Variants in NBAS observed in about 807,000 individuals in gnomAD.
NBAS encodes the protein NAG/BC035112 fusion.
NBAS carries 219 observed loss-of-function variants against 302.5 expected under a neutral mutation model. The ratio of observed to expected loss-of-function variants is 0.72; its 90% CI spans 0.65 to 0.81. NBAS has a LOEUF of 0.81. Among genes scored for constraint, NBAS ranks in the 30% least tolerant of loss-of-function variants. The probability of loss-of-function intolerance (pLI) is 0.00; values close to 1 mark genes in which losing one functional copy is unlikely to be tolerated. For missense variants in NBAS, 2,932 were observed against 2,841.6 expected (o/e 1.03, Z -0.72); for synonymous variants, 1,118 against 1,021.6 (o/e 1.09, Z -1.80).
In NBAS at chr2:15,190,369, C is replaced by CAT; in HGVS notation, c.6466_6467insAT (p.Arg2156HisfsTer32). On this transcript the variant is annotated frameshift_variant, in exon 49 of 52. Transcript: ENST00000281513. LOFTEE classifies it high-confidence loss of function. The stretch of plus-strand genomic sequence containing the variant: ...CAGGAGTTCCATGAATAGACAGTAG[C>CAT]GGTTCTCTTCATTCTCAATGTCAGC... 1.2e-6 allele frequency: 2 copies of CAT among 1,613,930 alleles called. No homozygotes were observed. The highest frequency in any genetic ancestry group is 1.7e-6 in the Non-Finnish European group (2 of 1,179,906).
the NBAS span, among the ~76,000 whole-genome samples, chr2:14,928,867 C>T: frequency 6.6e-6 from 1 of 152,170 alleles, no homozygotes; most frequent in Admixed American, 6.5e-5. Context: ...TGTAACCAAG[C>T]TCTAGGTGAC....
chr2:15,185,046 A>G (rs1184564369), intron 50 of NBAS, among the ~76,000 whole-genome samples: 2 of 152,208 alleles, frequency 1.3e-5, no homozygotes, highest in Non-Finnish European at 2.9e-5. Flanking sequence ...GAGACATTCA[A>G]TATTCATGTA....
the NBAS span, among the ~76,000 whole-genome samples, chr2:14,961,548 A>T: frequency 6.6e-6 from 1 of 152,168 alleles, no homozygotes; most frequent in Non-Finnish European, 1.5e-5. Flanking sequence ...TGCCAATGCC[A>T]TGCTTCTTAT....
At chr2:15,107,638 T>C in the NBAS span, among the ~76,000 whole-genome samples, 1 of 152,164 alleles carries the variant, frequency 6.6e-6, no homozygotes, top group South Asian at 2.1e-4. Flanking sequence ...GACCACCTAC[T>C]ATGTGCCAGG....
intron 21 of NBAS, among the ~76,000 whole-genome samples, chr2:15,455,370 T>C (rs1374531719): frequency 6.6e-6 from 1 of 152,134 alleles, no homozygotes; most frequent in African/African-American, 2.4e-5. Flanking sequence ...CAGAACGGAC[T>C]ATTCCAGTGC....
chr2:15,219,610 A>T (rs532325438), intron 47 of NBAS, among the ~76,000 whole-genome samples: 8 of 139,006 alleles, frequency 5.8e-5, no homozygotes, highest in Non-Finnish European at 1.1e-4. Flanking sequence ...GAGTGGACAC[A>T]GCACATGTTT....
chr2:15,347,233 T>C (rs1270639119), intron 35 of NBAS, among the ~76,000 whole-genome samples: 1 of 152,188 alleles, frequency 6.6e-6, no homozygotes, highest in African/African-American at 2.4e-5. Flanking sequence ...GCAGACACTT[T>C]GGAAAACAAA....
At chr2:15,471,964 C>T (rs780758281) in intron 16 of NBAS, among the ~76,000 whole-genome samples, 3 of 152,136 alleles carry the variant, frequency 2.0e-5, no homozygotes, top group Admixed American at 2.0e-4. Flanking sequence ...TTTGTTGCAG[C>T]GGCTAAAACT....
the NBAS span, among the ~76,000 whole-genome samples, chr2:14,923,645 A>C: frequency 6.6e-6 from 1 of 152,204 alleles, no homozygotes; most frequent in Non-Finnish European, 1.5e-5. Context: ...ACAACGTAGG[A>C]CATGGAGAAG....
At chr2:15,391,233 A>G (rs1039716183) in intron 28 of NBAS, among the ~76,000 whole-genome samples, 4 of 152,106 alleles carry the variant, frequency 2.6e-5, no homozygotes, top group African/African-American at 4.8e-5. Context: ...TGCTTTTAAA[A>G]AGAAGAAATG....
At chr2:14,840,057 T>G in the NBAS span, among the ~76,000 whole-genome samples, 1 of 151,914 alleles carries the variant, frequency 6.6e-6, no homozygotes, top group South Asian at 2.1e-4. Flanking sequence ...ATTCCGAAAT[T>G]TATTATATAA....
chr2:15,188,056 T>A (rs942238528), intron 49 of NBAS, among the ~76,000 whole-genome samples: 1 of 152,204 alleles, frequency 6.6e-6, no homozygotes, highest in Admixed American at 6.5e-5. Flanking sequence ...CTACAGTTTT[T>A]CTCATTGTAG....
chr2:15,115,165 A>G, the NBAS span, among the ~76,000 whole-genome samples: 3 of 152,218 alleles, frequency 2.0e-5, no homozygotes, highest in Non-Finnish European at 4.4e-5. Context: ...TACACAAGAC[A>G]TGGGCTTCTG....
At chr2:15,260,760 T>G (rs1668812017) in intron 44 of NBAS, among the ~76,000 whole-genome samples, 1 of 152,176 alleles carries the variant, frequency 6.6e-6, no homozygotes, top group Non-Finnish European at 1.5e-5. Context: ...TTCAAACTTT[T>G]TTGCCCAAGA....
the NBAS span, among the ~76,000 whole-genome samples, chr2:14,963,848 T>C: frequency 2.0e-5 from 3 of 152,290 alleles, no homozygotes; most frequent in African/African-American, 7.2e-5. Flanking sequence ...TAGTTGTGAG[T>C]AGGACAATAT....
intron 21 of NBAS, among the ~76,000 whole-genome samples, chr2:15,430,956 G>A (rs113950502): frequency 6.6e-5 from 10 of 151,712 alleles, no homozygotes; most frequent in African/African-American, 2.2e-4. Flanking sequence ...ACAGGTGCCC[G>A]CCACAGTAGG....
chr2:14,891,805 A>C, the NBAS span, among the ~76,000 whole-genome samples: 1 of 152,206 alleles, frequency 6.6e-6, no homozygotes, highest in Non-Finnish European at 1.5e-5. Flanking sequence ...CATGCCTTCA[A>C]CCAAGAGAAT....
intron 31 of NBAS, among the ~76,000 whole-genome samples, chr2:15,370,843 A>G (rs767307696): frequency 2.6e-5 from 4 of 152,178 alleles, no homozygotes; most frequent in Non-Finnish European, 5.9e-5. Flanking sequence ...GGTGGAAGGG[A>G]CTTGTCCTGT....
chr2:15,129,945 A>G, the NBAS span, among the ~76,000 whole-genome samples: 2 of 152,228 alleles, frequency 1.3e-5, no homozygotes, highest in African/African-American at 4.8e-5. Context: ...CACATAACGT[A>G]AAACTTGCCA....
Sources: allele counts gnomAD v4.1 joint callset (sites outside exome capture counted in the v4.1 genomes callset), GRCh38; gene constraint gnomAD v4.1.1; transcripts MANE v1.5; gene names NCBI Gene and HGNC (gene_info 2026-07-23, HGNC 2026-07-21).